The following SLC44A5 variants were observed in gnomAD, a reference collection of about 807,000 sequenced individuals.
The protein encoded by SLC44A5 is choline transporter-like protein 5.
In SLC44A5, 57 loss-of-function variants were observed where a neutral mutation model predicts 101.8. The ratio of observed to expected loss-of-function variants is 0.56; its 90% CI spans 0.45 to 0.70. The LOEUF is 0.70. Ranked by LOEUF, SLC44A5 falls within the 30% of genes least tolerant of loss-of-function variation. The pLI is 0.00. For missense variants in SLC44A5, 737 were observed against 853.1 expected (o/e 0.86, Z 1.70); for synonymous variants, 281 against 290.9 (o/e 0.97, Z 0.35).
intron 1 of SLC44A5, among the ~76,000 whole-genome samples, chr1:75,543,135 T>C (rs1045755051): frequency 6.6e-6 from 1 of 152,220 alleles, no homozygotes; most frequent in South Asian, 2.1e-4. Context: ...TTGTATGTTT[T>C]CTAGTGTTAA....
At chr1:75,705,195 T>C in the SLC44A5 span, among the ~76,000 whole-genome samples, 2 of 152,226 alleles carry the variant, frequency 1.3e-5, no homozygotes, top group Non-Finnish European at 2.9e-5. Flanking sequence ...AGTCATGATA[T>C]GTTCACATTG....
In SLC44A5 at chr1:75,214,012, G is replaced by A. The variant is rs780255430; in HGVS notation, c.1803-23C>T. ...ACTCTGAGTATCAGAAAAAAAGAAA[G>A]TATAATTCTGTGTTTAAAATATACT... On this transcript the variant is annotated intron_variant, in intron 20 of 23. Transcript: ENST00000370859. The A allele has an allele frequency of 2.1e-6, 3 of 1,427,170 alleles. No homozygotes were observed. The East Asian group carries it at 6.8e-5, about 33-fold the overall frequency. The allele number at this position is 1,427,170 out of a possible 1,614,324, so 88.4% of individuals were successfully genotyped here. A position where few individuals can be genotyped will look rare whatever the true frequency, so the allele number is the denominator to read the frequency against.
intron 2 of SLC44A5, among the ~76,000 whole-genome samples, chr1:75,412,979 C>T (rs1663380943): frequency 6.6e-6 from 1 of 152,180 alleles, no homozygotes; most frequent in Admixed American, 6.6e-5. Context: ...ACAATACCAA[C>T]ATCCTTTGCC....
chr1:75,608,917 C>T (rs1675487794), intron 1 of SLC44A5, among the ~76,000 whole-genome samples: 1 of 151,708 alleles, frequency 6.6e-6, no homozygotes, highest in Non-Finnish European at 1.5e-5. Context: ...TGTCATGGCA[C>T]TTTTCAATTT....
chr1:75,701,766 T>G, the SLC44A5 span, among the ~76,000 whole-genome samples: 2 of 152,200 alleles, frequency 1.3e-5, no homozygotes, highest in Non-Finnish European at 2.9e-5. Context: ...CCCCATCATC[T>G]CAGCCCAAAA....
the SLC44A5 span, among the ~76,000 whole-genome samples, chr1:75,626,067 C>T: frequency 6.6e-6 from 1 of 152,076 alleles, no homozygotes; most frequent in Non-Finnish European, 1.5e-5. Flanking sequence ...CTGTGGAGAA[C>T]AGGGGAAAGG....
intron 1 of SLC44A5, among the ~76,000 whole-genome samples, chr1:75,575,450 T>G (rs997575311): frequency 8.5e-5 from 13 of 152,188 alleles, no homozygotes; most frequent in Non-Finnish European, 4.4e-5. Flanking sequence ...TTGGTGAATG[T>G]ATTGCTGAAT....
In SLC44A5 at chr1:75,502,347, C is replaced by A. The variant is rs535686805; in HGVS notation, c.13+39088G>T. Among the ~76,000 whole-genome samples the A allele has an allele frequency of 3.4e-4, 52 of 152,242 alleles. 1 individual carries two copies. The highest frequency in any genetic ancestry group is 1.3e-3 in the African/African-American group (52 of 41,554). ...TAGCTGAATAAGACTAAACACTGATCAAAGGACAGAAAAACATTTTTGCCT... is the reference window on the plus strand; with the variant it reads ...TAGCTGAATAAGACTAAACACTGATAAAAGGACAGAAAAACATTTTTGCCT... On this transcript the variant is annotated intron_variant, in intron 2 of 23. Coordinates refer to ENST00000370859, the MANE Select transcript of SLC44A5 (RefSeq NM_001130058.2).
chr1:75,664,887 C>T, the SLC44A5 span, among the ~76,000 whole-genome samples: 2 of 148,892 alleles, frequency 1.3e-5, no homozygotes, highest in African/African-American at 5.0e-5. Context: ...CACCACTGCA[C>T]TCCAGGCTGG....
intron 2 of SLC44A5, among the ~76,000 whole-genome samples, chr1:75,460,789 T>C (rs774217339): frequency 2.5e-4 from 38 of 152,310 alleles, no homozygotes; most frequent in Admixed American, 5.9e-4. Context: ...TGTCAACATT[T>C]AACCAATCTT....
At chr1:75,588,407 G>T (rs1456608233) in intron 1 of SLC44A5, among the ~76,000 whole-genome samples, 1 of 152,098 alleles carries the variant, frequency 6.6e-6, no homozygotes. Context: ...ACCATAGTCT[G>T]TAAGGTAGGT....
chr1:75,552,290 C>G (rs1230769481), intron 1 of SLC44A5, among the ~76,000 whole-genome samples: 1 of 152,078 alleles, frequency 6.6e-6, no homozygotes, highest in Non-Finnish European at 1.5e-5. Flanking sequence ...ATTCTCAGCA[C>G]TTAGCACCCA....
intron 2 of SLC44A5, among the ~76,000 whole-genome samples, chr1:75,422,572 C>T (rs550092081): frequency 2.0e-5 from 3 of 152,082 alleles, no homozygotes; most frequent in East Asian, 1.9e-4. Context: ...ACAACAGTAG[C>T]GATTACAGAT....
chr1:75,228,329 T>C (rs1035614059), intron 12 of SLC44A5, among the ~76,000 whole-genome samples: 1 of 152,148 alleles, frequency 6.6e-6, no homozygotes, highest in African/African-American at 2.4e-5. Context: ...ATCCATAACA[T>C]TGTCATTCTA....
chr1:75,559,937 G>A (rs1672429193), intron 1 of SLC44A5, among the ~76,000 whole-genome samples: 1 of 152,106 alleles, frequency 6.6e-6, no homozygotes, highest in Non-Finnish European at 1.5e-5. Context: ...ATGCATAGAT[G>A]TTTATCATTA....
chr1:75,497,272 C>CGT (rs371881254), intron 2 of SLC44A5, among the ~76,000 whole-genome samples: 10 of 151,492 alleles, frequency 6.6e-5, no homozygotes, highest in East Asian at 3.9e-4. Context: ...AAAAAATTGC[C>CGT]GTGTGTGTGT....
At chr1:75,505,168 T>A (rs1669178699) in intron 2 of SLC44A5, among the ~76,000 whole-genome samples, 1 of 152,174 alleles carries the variant, frequency 6.6e-6, no homozygotes, top group Non-Finnish European at 1.5e-5. Context: ...AAGGACATGA[T>A]TTTGTTCTTT....
At chr1:75,654,456 C>G in the SLC44A5 span, among the ~76,000 whole-genome samples, 1 of 152,144 alleles carries the variant, frequency 6.6e-6, no homozygotes, top group African/African-American at 2.4e-5. Context: ...CCATCAAGCA[C>G]AACCCTGGAT....
intron 2 of SLC44A5, among the ~76,000 whole-genome samples, chr1:75,526,282 A>C (rs1670402510): frequency 6.6e-6 from 1 of 152,240 alleles, no homozygotes; most frequent in South Asian, 2.1e-4. Context: ...AATAGAGCAC[A>C]GAATCAGTAA....
Sources: allele counts gnomAD v4.1 joint callset (sites outside exome capture counted in the v4.1 genomes callset), GRCh38; gene constraint gnomAD v4.1.1; transcripts MANE v1.5; gene names NCBI Gene and HGNC (gene_info 2026-07-23, HGNC 2026-07-21).